SYN2: variants seen among roughly 807,000 people sequenced by gnomAD.
The protein encoded by SYN2 is synapsin II.
In SYN2, 19 loss-of-function variants were observed where a neutral mutation model predicts 50.9. That is an observed-to-expected ratio of 0.37 (90% CI 0.26 to 0.55). SYN2 has a LOEUF of 0.55. Among genes scored for constraint, SYN2 ranks in the 20% least tolerant of loss-of-function variants. SYN2 has a pLI of 0.81. For missense variants in SYN2, 587 were observed against 576.4 expected (o/e 1.02, Z -0.19); for synonymous variants, 255 against 224.9 (o/e 1.13, Z -1.20).
At chr3:12,105,192 A>G (rs992801646) in intron 1 of SYN2, among the ~76,000 whole-genome samples, 1 of 152,110 alleles carries the variant, frequency 6.6e-6, no homozygotes, top group Non-Finnish European at 1.5e-5. Flanking sequence ...TGCAGTGGCT[A>G]CAGTATTAGA....
At chr3:12,028,250 C>T (rs1694308096) in intron 1 of SYN2, among the ~76,000 whole-genome samples, 1 of 151,956 alleles carries the variant, frequency 6.6e-6, no homozygotes. Context: ...GTATATGTGC[C>T]ACATTGTCTT....
intron 1 of SYN2, among the ~76,000 whole-genome samples, chr3:12,078,472 G>A (rs370126): frequency 0.93 from 141,781 of 152,308 alleles, 66,071 homozygotes; most frequent in East Asian, 1. Flanking sequence ...TCTTGAGTTA[G>A]TTTTTGTATA....
At chr3:12,179,702 A>G (rs1574891253) in intron 10 of SYN2, among the ~76,000 whole-genome samples, 1 of 152,190 alleles carries the variant, frequency 6.6e-6, no homozygotes, top group African/African-American at 2.4e-5. Context: ...CGAGACTTCT[A>G]ACCATCCTAT....
intron 7 of SYN2, among the ~76,000 whole-genome samples, chr3:12,166,139 T>C (rs1697786507): frequency 6.6e-6 from 1 of 152,142 alleles, no homozygotes; most frequent in African/African-American, 2.4e-5. Context: ...CACCTCGTGG[T>C]TCTGAAAAAT....
At chr3:12,098,883 T>C (rs149822980) in intron 1 of SYN2, among the ~76,000 whole-genome samples, 193 of 93,326 alleles carry the variant, frequency 2.1e-3, no homozygotes, top group East Asian at 9.9e-3. Context: ...ATATATATAA[T>C]GCAAATAGTA....
chr3:12,081,731 C>T (rs1470304840), intron 1 of SYN2, among the ~76,000 whole-genome samples: 2 of 152,134 alleles, frequency 1.3e-5, no homozygotes, highest in Non-Finnish European at 2.9e-5. Flanking sequence ...CCCTCTTCCA[C>T]CAATCCTCAG....
intron 1 of SYN2, among the ~76,000 whole-genome samples, chr3:12,048,044 C>G (rs1366651304): frequency 6.6e-6 from 1 of 152,044 alleles, no homozygotes; most frequent in Non-Finnish European, 1.5e-5. Context: ...GATAAAATGC[C>G]CATTGTTTGT....
chr3:12,167,541 A>G (rs571849605), intron 8 of SYN2, among the ~76,000 whole-genome samples: 142 of 152,336 alleles, frequency 9.3e-4, no homozygotes, highest in Non-Finnish European at 1.6e-3. Context: ...AGGCCTCACC[A>G]GAAGCAGATG....
intron 1 of SYN2, among the ~76,000 whole-genome samples, chr3:12,053,028 G>A (rs1694902399): frequency 6.6e-6 from 1 of 152,078 alleles, no homozygotes; most frequent in Non-Finnish European, 1.5e-5. Context: ...CAAAAGGCAT[G>A]GTAGATATTA....
chr3:12,169,729 T>C (rs375301846), intron 9 of SYN2, 28 bp from the exon 10 acceptor site: 108 of 1,612,606 alleles, frequency 6.7e-5, no homozygotes, highest in Non-Finnish European at 8.4e-5. Context: ...CAGACCCCTT[T>C]CCTCACCTGG....
At chr3:12,146,943 T>C (rs931676) in intron 4 of SYN2, among the ~76,000 whole-genome samples, 12,027 of 152,186 alleles carry the variant, frequency 0.079, 588 homozygotes, top group African/African-American at 0.13. Flanking sequence ...AATCCATTTA[T>C]AACTTCTGTG....
At chr3:12,132,379 G>C (rs955594984) in intron 1 of SYN2, among the ~76,000 whole-genome samples, 1 of 152,134 alleles carries the variant, frequency 6.6e-6, no homozygotes, top group Non-Finnish European at 1.5e-5. Flanking sequence ...CTACCTTTAA[G>C]CAAGTCAGTT....
chr3:12,007,808 A>G (rs1693829556), intron 1 of SYN2, among the ~76,000 whole-genome samples: 1 of 152,230 alleles, frequency 6.6e-6, no homozygotes, highest in African/African-American at 2.4e-5. Context: ...TGTCATTGTA[A>G]TTGTGGGCAA....
intron 5 of SYN2, chr3:12,157,599 G>C: frequency 1.1e-6 from 1 of 946,056 alleles, no homozygotes; most frequent in African/African-American, 1.6e-5. Context: ...TTTTGGTGTG[G>C]CTGGGTTGTG....
At chr3:12,105,662 G>T (rs546874979) in intron 1 of SYN2, among the ~76,000 whole-genome samples, 1 of 151,880 alleles carries the variant, frequency 6.6e-6, no homozygotes, top group Admixed American at 6.5e-5. Flanking sequence ...GAATTCATAT[G>T]GTGTCACTTG....
At position 12,145,866 on chromosome 3, in the gene SYN2, G is replaced by T. The variant is rs779509005; in HGVS notation, c.684+31G>T. On this transcript the variant is annotated intron_variant, in intron 4 of 12. Coordinates refer to ENST00000621198, the MANE Select transcript of SYN2 (RefSeq NM_133625.6). ...TGAGGCCCCCTTCCCCCAAGTAAAA[G>T]GGTAGGATTCAGGCCCTACATCTCC... The T allele has an allele frequency of 6.2e-6, 10 of 1,612,008 alleles. No individual in the cohort carries two copies. In the South Asian group the frequency reaches 9.9e-5, roughly 16 times the overall value.
chr3:12,120,201 C>T (rs575297388), intron 1 of SYN2, among the ~76,000 whole-genome samples: 1 of 152,300 alleles, frequency 6.6e-6, no homozygotes, highest in African/African-American at 2.4e-5. Context: ...AGTTAAACAC[C>T]TTGCCTAATT....
rs987518408 is a variant in SYN2 at position 12,163,099 on chromosome 3, A to G, written c.980+945A>G. Reference sequence around the variant, plus strand: ...ACTAAAAAATACAAAGAAATTAGCCAGACGTGGTGGTGGGCGCCTCTAGTC... The same window carrying G: ...ACTAAAAAATACAAAGAAATTAGCCGGACGTGGTGGTGGGCGCCTCTAGTC... On this transcript the variant is annotated intron_variant, in intron 7 of 12. Transcript: ENST00000621198. 3.3e-5 allele frequency among the ~76,000 whole-genome samples: 5 copies of G among 152,034 alleles called. No individual in the cohort carries two copies. In the East Asian group the frequency reaches 7.7e-4, roughly 23 times the overall value.
chr3:12,071,077 T>TC (rs1695342535), intron 1 of SYN2: 8 of 561,370 alleles, frequency 1.4e-5, no homozygotes, highest in Non-Finnish European at 2.9e-5. Context: ...CACCTTCAAC[T>TC]CCATCATGAA....
Sources: gnomAD v4.1 joint callset for allele counts (sites outside exome capture counted in the v4.1 genomes callset) on GRCh38, gnomAD v4.1.1 for gene constraint, MANE v1.5 for transcripts, NCBI Gene and HGNC (gene_info 2026-07-23, HGNC 2026-07-21) for gene names.